The following KIFAP3 variants were observed in gnomAD, a reference collection of about 807,000 sequenced individuals.
KIFAP3 encodes the protein kinesin-associated protein 3.
In KIFAP3, 68 loss-of-function variants were observed where a neutral mutation model predicts 106.5. That is an observed-to-expected ratio of 0.64 (90% confidence interval 0.53 to 0.78). The LOEUF is 0.78. Among genes scored for constraint, KIFAP3 ranks in the 30% least tolerant of loss-of-function variants. KIFAP3 has a pLI of 0.00. For synonymous variants in KIFAP3, 320 were observed against 311.5 expected (o/e 1.03, Z -0.29); for missense variants, 780 against 941.8 (o/e 0.83, Z 2.25).
intron 10 of KIFAP3, among the ~76,000 whole-genome samples, chr1:170,002,027 G>C (rs1433614407): frequency 6.6e-6 from 1 of 152,100 alleles, no homozygotes; most frequent in Non-Finnish European, 1.5e-5. Context: ...AAAGACATAT[G>C]ACAGAATGGT....
intron 17 of KIFAP3, among the ~76,000 whole-genome samples, chr1:169,961,849 T>C (rs1665355445): frequency 1.3e-5 from 2 of 152,322 alleles, no homozygotes; most frequent in East Asian, 1.9e-4. Flanking sequence ...ATACAAAATA[T>C]GTGTTAATCA....
intron 18 of KIFAP3, among the ~76,000 whole-genome samples, chr1:169,955,566 G>A (rs886354317): frequency 1.3e-5 from 2 of 152,056 alleles, no homozygotes; most frequent in African/African-American, 2.4e-5. Context: ...AAAAAATTGA[G>A]TGAATGGTAA....
chr1:169,933,973 T>C (rs1663642885), intron 19 of KIFAP3, among the ~76,000 whole-genome samples: 1 of 152,154 alleles, frequency 6.6e-6, no homozygotes. Flanking sequence ...ATAATGGCTA[T>C]ATCTTTTAAT....
At chr1:169,979,066 T>G (rs12071325) in intron 15 of KIFAP3, among the ~76,000 whole-genome samples, 2,717 of 152,218 alleles carry the variant, frequency 0.018, 80 homozygotes, top group African/African-American at 0.062. Context: ...CCTCTGCCTG[T>G]GATAATCTCA....
chr1:170,075,069 G>A (rs1343643185), upstream of KIFAP3, among the ~76,000 whole-genome samples: 1 of 152,110 alleles, frequency 6.6e-6, no homozygotes, highest in African/African-American at 2.4e-5. Context: ...CTTTGAAGGC[G>A]GCAAGTCTGT....
In KIFAP3 at chr1:169,978,191, T is replaced by A. The variant is rs1553279081; in HGVS notation, c.1799-8A>T. The A allele has an allele frequency of 6.3e-7, 1 of 1,575,228 alleles. No homozygotes were observed. The highest frequency in any genetic ancestry group is 8.7e-7 in the Non-Finnish European group (1 of 1,146,146). ...CATCATCTTCTTGTTGAGCTGTAAA[T>A]AAACAAAAAATTCAAATAAAGAATA... On this transcript the variant is annotated splice_region_variant and splice_polypyrimidine_tract_variant and intron_variant, in intron 15 of 19. Coordinates refer to ENST00000361580, the MANE Select transcript of KIFAP3 (RefSeq NM_014970.4).
At chr1:169,929,591 T>C (rs1019949469) in intron 19 of KIFAP3, among the ~76,000 whole-genome samples, 3 of 152,140 alleles carry the variant, frequency 2.0e-5, no homozygotes, top group Admixed American at 6.5e-5. Flanking sequence ...GGTTAAGCAG[T>C]CTTCTAATGA....
rs1035387919 is a variant in KIFAP3 at position 169,943,239 on chromosome 1, C to T, written c.2273+10772G>A. 3.3e-5 allele frequency among the ~76,000 whole-genome samples: 5 copies of T among 152,166 alleles called. No individual in the cohort carries two copies. In the East Asian group the frequency reaches 7.7e-4, roughly 23 times the overall value. ...ATGGAGATTATGGGAATTAATATTACATTTAAAATTACATTTGAAAACCTG... is the reference window on the plus strand; with the variant it reads ...ATGGAGATTATGGGAATTAATATTATATTTAAAATTACATTTGAAAACCTG... On this transcript the variant is annotated intron_variant, in intron 19 of 19. Coordinates refer to ENST00000361580, the MANE Select transcript of KIFAP3 (RefSeq NM_014970.4).
intron 19 of KIFAP3, among the ~76,000 whole-genome samples, chr1:169,951,152 C>T (rs1664709034): frequency 6.6e-6 from 1 of 151,814 alleles, no homozygotes; most frequent in African/African-American, 2.4e-5. Flanking sequence ...TTTAGGGTCC[C>T]TTTTCATTTG....
At chr1:169,992,935 ACAATCT>A (rs1667173397) in intron 10 of KIFAP3, among the ~76,000 whole-genome samples, 1 of 152,132 alleles carries the variant, frequency 6.6e-6, no homozygotes, top group African/African-American at 2.4e-5. Flanking sequence ...GGACCTACTT[ACAATCT>A]CAAAGTCAGT....
Position 170,034,515 on chromosome 1 carries a change from A to G in KIFAP3, c.618-19T>C. 5 of 1,311,328 alleles carry G rather than the reference A, an allele frequency of 3.8e-6. No individual in the cohort carries two copies. Among genetic ancestry groups the G allele is most frequent in the Non-Finnish European group, 5.2e-6 (5 of 952,438 alleles). The allele number at this position is 1,311,328 out of a possible 1,614,324, so 81.2% of individuals were successfully genotyped here. ...AGAAAAGCTTTAAAGAAGACATTTT[A>G]ATATATATTTAAAAGAATACATTTT... is the stretch of plus-strand genomic sequence containing the variant. On this transcript the variant is annotated intron_variant, in intron 6 of 19. Coordinates refer to ENST00000361580, the MANE Select transcript of KIFAP3 (RefSeq NM_014970.4).
At chr1:170,029,612 C>CAAA (rs923825815) in intron 8 of KIFAP3, among the ~76,000 whole-genome samples, 3 of 151,288 alleles carry the variant, frequency 2.0e-5, no homozygotes, top group Admixed American at 6.6e-5. Context: ...ACAACAACAA[C>CAAA]AAAAAATAAG....
intron 17 of KIFAP3, among the ~76,000 whole-genome samples, chr1:169,969,291 C>T (rs547490812): frequency 6.6e-6 from 1 of 151,924 alleles, no homozygotes; most frequent in Non-Finnish European, 1.5e-5. Context: ...CTCTTCAAGA[C>T]GTTGTAAGAT....
intron 19 of KIFAP3, among the ~76,000 whole-genome samples, chr1:169,940,953 GTT>G (rs1664075980): frequency 7.9e-6 from 1 of 126,886 alleles, no homozygotes; most frequent in Non-Finnish European, 1.7e-5. Context: ...GTGTGTGTGT[GTT>G]TAAAGACAAC....
intron 16 of KIFAP3, 123 bp from the exon 17 acceptor site, chr1:169,972,721 T>C (rs1425524714): frequency 3.9e-6 from 2 of 518,382 alleles, no homozygotes; most frequent in African/African-American, 4.0e-5. Flanking sequence ...AATTTTAAAA[T>C]AAAATCATTA....
At chr1:170,066,654 T>C (rs998777474) in intron 1 of KIFAP3, among the ~76,000 whole-genome samples, 2 of 152,192 alleles carry the variant, frequency 1.3e-5, no homozygotes. Flanking sequence ...GAGAATCTTT[T>C]AATAATCACA....
At chr1:169,954,251 A>G in intron 18 of KIFAP3, 141 bp from the exon 19 acceptor site, 4 of 608,234 alleles carry the variant, frequency 6.6e-6, no homozygotes, top group Non-Finnish European at 1.2e-5. Flanking sequence ...CTCTGGGAGT[A>G]TGAACAGACA....
intron 2 of KIFAP3, among the ~76,000 whole-genome samples, chr1:170,054,909 T>C (rs1434508815): frequency 6.6e-6 from 1 of 152,174 alleles, no homozygotes; most frequent in Admixed American, 6.5e-5. Context: ...CAAACCACCA[T>C]GGCACATGTA....
chr1:170,039,649 T>A (rs1669873812), intron 3 of KIFAP3, among the ~76,000 whole-genome samples: 1 of 150,938 alleles, frequency 6.6e-6, no homozygotes, highest in African/African-American at 2.4e-5. Flanking sequence ...GGAAAATCAA[T>A]AAGGCAAAGA....
Sources: allele counts gnomAD v4.1 joint callset (sites outside exome capture counted in the v4.1 genomes callset), GRCh38; gene constraint gnomAD v4.1.1; transcripts MANE v1.5; gene names NCBI Gene and HGNC (gene_info 2026-07-23, HGNC 2026-07-21).